Variants in DTNA observed in about 807,000 individuals in gnomAD.
The protein encoded by DTNA is dystrophin-related protein 3.
In DTNA, 43 loss-of-function variants were observed where a neutral mutation model predicts 100.7. The observed-to-expected ratio is 0.43, with a 90% CI of 0.33 to 0.55. The LOEUF is 0.55. Ranked by LOEUF, DTNA falls within the 20% of genes least tolerant of loss-of-function variation. The pLI is 0.04. For synonymous variants in DTNA, 349 were observed against 347.9 expected (o/e 1.00, Z -0.04); for missense variants, 798 against 953.9 (o/e 0.84, Z 2.15).
intron 9 of DTNA, among the ~76,000 whole-genome samples, chr18:34,823,646 T>G (rs1713520387): frequency 6.6e-6 from 1 of 152,348 alleles, no homozygotes; most frequent in East Asian, 1.9e-4. Flanking sequence ...ATAAACATGT[T>G]TTCTAGCTAT....
chr18:34,885,005 G>T (rs2096908605), intron 22 of DTNA, among the ~76,000 whole-genome samples: 1 of 152,184 alleles, frequency 6.6e-6, no homozygotes, highest in Admixed American at 6.5e-5. Flanking sequence ...TATTAGCTAG[G>T]AAAATTGGCA....
chr18:34,887,774 T>C lies in DTNA; in HGVS notation c.*40T>C. ...ACATTCCTTATTCCCAGGCAAGCTA[T>C]AGTCAGACAGATGATGAAAGTAACA... On this transcript the variant is annotated 3_prime_UTR_variant, in exon 23 of 23. Coordinates refer to ENST00000444659, the MANE Select transcript of DTNA (RefSeq NM_001386795.1). 1.0e-6 allele frequency: 1 copy of C among 985,562 alleles called. No homozygotes were observed. The highest frequency in any genetic ancestry group is 1.2e-6 in the Non-Finnish European group (1 of 829,946). 61.1% of individuals were successfully genotyped at this position (985,562 alleles called of 1,614,324 possible).
chr18:34,852,683 C>T (rs936384725), intron 15 of DTNA, among the ~76,000 whole-genome samples: 2 of 152,180 alleles, frequency 1.3e-5, no homozygotes, highest in African/African-American at 4.8e-5. Flanking sequence ...CACACTCCCA[C>T]CTCCCATGTG....
At chr18:34,746,662 A>G (rs1467636372) in intron 1 of DTNA, among the ~76,000 whole-genome samples, 1 of 152,146 alleles carries the variant, frequency 6.6e-6, no homozygotes, top group African/African-American at 2.4e-5. Flanking sequence ...GGTCCTTTTG[A>G]TCAAGCTCAA....
intron 1 of DTNA, among the ~76,000 whole-genome samples, chr18:34,648,431 T>C (rs2060094156): frequency 6.6e-6 from 1 of 152,162 alleles, no homozygotes; most frequent in African/African-American, 2.4e-5. Flanking sequence ...ATCATCCAAA[T>C]AGGATACCTA....
At chr18:34,774,991 A>T (rs1229957596) in intron 3 of DTNA, among the ~76,000 whole-genome samples, 2 of 152,238 alleles carry the variant, frequency 1.3e-5, no homozygotes, top group African/African-American at 4.8e-5. Flanking sequence ...TGCCTAGTCC[A>T]AAACATCTTT....
intron 1 of DTNA, among the ~76,000 whole-genome samples, chr18:34,562,179 A>G (rs1437477792): frequency 6.6e-6 from 1 of 152,234 alleles, no homozygotes; most frequent in African/African-American, 2.4e-5. Flanking sequence ...TACAACAACA[A>G]TCAAGTTAAC....
chr18:34,724,286 A>C (rs1397333498), intron 1 of DTNA, among the ~76,000 whole-genome samples: 1 of 152,230 alleles, frequency 6.6e-6, no homozygotes, highest in East Asian at 1.9e-4. Flanking sequence ...ATAGTGTGAT[A>C]TAATGTCTTA....
intron 1 of DTNA, among the ~76,000 whole-genome samples, chr18:34,636,126 A>G (rs1459464303): frequency 6.6e-6 from 1 of 152,224 alleles, no homozygotes; most frequent in Non-Finnish European, 1.5e-5. Flanking sequence ...AAAAAGACAT[A>G]TATTTGAGGG....
chr18:34,872,562 G>A (rs1189794750), intron 17 of DTNA, among the ~76,000 whole-genome samples: 1 of 152,204 alleles, frequency 6.6e-6, no homozygotes, highest in Non-Finnish European at 1.5e-5. Context: ...ATTATGGAAT[G>A]ACCAGTGTTT....
intron 16 of DTNA, among the ~76,000 whole-genome samples, chr18:34,863,465 C>G (rs1211272568): frequency 6.6e-6 from 1 of 152,188 alleles, no homozygotes; most frequent in Admixed American, 6.5e-5. Context: ...CTGTTAATAT[C>G]TCACCTCTGA....
chr18:34,657,200 T>A (rs1312627789), intron 1 of DTNA, among the ~76,000 whole-genome samples: 1 of 152,154 alleles, frequency 6.6e-6, no homozygotes, highest in Non-Finnish European at 1.5e-5. Context: ...TTAATCAACA[T>A]CTTTTTAACC....
intron 1 of DTNA, among the ~76,000 whole-genome samples, chr18:34,578,402 AT>A (rs139415432): frequency 1.1e-4 from 17 of 148,910 alleles, no homozygotes; most frequent in East Asian, 5.9e-4. Context: ...TACATTGTGA[AT>A]TTTTTTTTTC....
chr18:34,642,187 A>G (rs1480135813), intron 1 of DTNA, among the ~76,000 whole-genome samples: 1 of 152,082 alleles, frequency 6.6e-6, no homozygotes, highest in Admixed American at 6.6e-5. Flanking sequence ...CATTCTGGGA[A>G]CCCTCTAGGG....
chr18:34,516,397 G>A (rs1003129272), intron 1 of DTNA, among the ~76,000 whole-genome samples: 2 of 152,060 alleles, frequency 1.3e-5, no homozygotes, highest in African/African-American at 4.8e-5. Flanking sequence ...GAAGTTTCAT[G>A]TCCCACTGGG....
chr18:34,807,289 G>A (rs1229171686), intron 5 of DTNA, among the ~76,000 whole-genome samples: 1 of 152,202 alleles, frequency 6.6e-6, no homozygotes, highest in Non-Finnish European at 1.5e-5. Flanking sequence ...GGAATTGGGA[G>A]TTCCAGGTTG....
intron 18 of DTNA, among the ~76,000 whole-genome samples, chr18:34,876,165 T>G (rs139776796): frequency 6.6e-6 from 1 of 152,348 alleles, no homozygotes; most frequent in Admixed American, 6.5e-5. Context: ...AAGGATGTGA[T>G]TATAGACACA....
chr18:34,866,907 G>A, intron 17 of DTNA: 1 of 1,124,532 alleles, frequency 8.9e-7, no homozygotes, highest in East Asian at 4.6e-5. Flanking sequence ...GGGGCATTGT[G>A]ACTTTATAGC....
chr18:34,506,134 A>T (rs2439862), intron 1 of DTNA, among the ~76,000 whole-genome samples: 1 of 152,154 alleles, frequency 6.6e-6, no homozygotes, highest in Non-Finnish European at 1.5e-5. Context: ...TGCCTCCTTT[A>T]TGTTCCCCAT....
Sources: allele counts gnomAD v4.1 joint callset (sites outside exome capture counted in the v4.1 genomes callset), GRCh38; gene constraint gnomAD v4.1.1; transcripts MANE v1.5; gene names NCBI Gene and HGNC (gene_info 2026-07-23, HGNC 2026-07-21).